RBL1: variants seen among roughly 807,000 people sequenced by gnomAD.
RBL1 encodes the protein retinoblastoma-like protein 1.
Under a neutral mutation model 123.0 loss-of-function variants are expected in RBL1, and 82 were observed. The ratio of observed to expected loss-of-function variants is 0.67; its 90% CI spans 0.56 to 0.80. The LOEUF (loss-of-function observed/expected upper bound fraction) is 0.80. RBL1 is among the 30% of genes least tolerant of loss of function. RBL1 has a pLI of 0.00. For missense variants in RBL1, 1,171 were observed against 1,299.6 expected, an observed-to-expected ratio of 0.90 and a Z score of 1.52; for synonymous variants, 405 against 441.3, an observed-to-expected ratio of 0.92 and a Z score of 1.03.
At chr20:37,020,228 A>C (rs2064319327) in intron 18 of RBL1, among the ~76,000 whole-genome samples, 1 of 151,770 alleles carries the variant, frequency 6.6e-6, no homozygotes, top group African/African-American at 2.4e-5. Context: ...AGCAGGGATT[A>C]TAGGCGTGTG....
intron 10 of RBL1, 150 bp downstream of exon 10, chr20:37,055,996 G>A (rs1035277359): frequency 1.1e-5 from 14 of 1,311,946 alleles, no homozygotes; most frequent in African/African-American, 3.0e-5. Context: ...GCAGTGAGTC[G>A]AGATCATGCC....
At chr20:37,052,296 G>A (rs1428062985) in intron 11 of RBL1, among the ~76,000 whole-genome samples, 1 of 152,064 alleles carries the variant, frequency 6.6e-6, no homozygotes, top group East Asian at 1.9e-4. Context: ...CTCCCAAAGT[G>A]CTGGGATTAC....
intron 18 of RBL1, 151 bp from the exon 19 acceptor site, chr20:37,018,520 G>T: frequency 8.9e-7 from 1 of 1,118,144 alleles, no homozygotes; most frequent in Non-Finnish European, 1.2e-6. Context: ...GCTCTAGTAA[G>T]TATAGATTAT....
Position 36,998,504 on chromosome 20 carries a change from G to A in RBL1, c.*255C>T, listed in dbSNP as rs145797733. On this transcript the variant is annotated 3_prime_UTR_variant, in exon 22 of 22. Coordinates refer to ENST00000373664, the MANE Select transcript of RBL1 (RefSeq NM_002895.5). ...CTCCCAAAGTCCTGGGATTACAGGC[G>A]TGAGCCACAGCGCCTGGCCGGACTA... 5.2e-3 allele frequency: 1,685 copies of A among 326,534 alleles called. 27 individuals carry two copies. The highest frequency in any genetic ancestry group is 0.035 in the African/African-American group (1,569 of 45,330). 20.2% of individuals were successfully genotyped at this position (326,534 alleles called of 1,614,324 possible).
chr20:37,014,371 G>A (rs189980655), intron 19 of RBL1, among the ~76,000 whole-genome samples: 50 of 152,140 alleles, frequency 3.3e-4, no homozygotes, highest in African/African-American at 1.2e-3. Context: ...AAGCCACTGT[G>A]TTCTCTCTTT....
chr20:37,017,000 AAGACGAGACG>A (rs569359385), intron 19 of RBL1, among the ~76,000 whole-genome samples: 3 of 151,486 alleles, frequency 2.0e-5, no homozygotes, highest in Non-Finnish European at 2.9e-5. Flanking sequence ...GAGAGGAGAG[AAGACGAGACG>A]AGACGAGACA....
intron 9 of RBL1, among the ~76,000 whole-genome samples, chr20:37,056,903 T>C (rs2065017115): frequency 6.6e-6 from 1 of 152,172 alleles, no homozygotes; most frequent in Admixed American, 6.6e-5. Flanking sequence ...TAACATAATG[T>C]ACTAAAGGTT....
At chr20:37,070,648 C>T (rs368548753) in intron 2 of RBL1, among the ~76,000 whole-genome samples, 34 of 152,086 alleles carry the variant, frequency 2.2e-4, no homozygotes, top group African/African-American at 7.7e-4. Context: ...TGTGGTTCCA[C>T]AACCAAAAGT....
chr20:37,045,016 C>T (rs1450612443), intron 12 of RBL1, among the ~76,000 whole-genome samples: 1 of 151,650 alleles, frequency 6.6e-6, no homozygotes, highest in Non-Finnish European at 1.5e-5. Context: ...TTTATATACA[C>T]AAAATATTAA....
chr20:37,082,075 C>T, intron 2 of RBL1: 1 of 453,584 alleles, frequency 2.2e-6, no homozygotes, highest in South Asian at 1.6e-5. Context: ...GGGGAGCCTG[C>T]AAGGCTGGGC....
chr20:37,082,051 G>A (rs551948835), intron 2 of RBL1: 2 of 455,470 alleles, frequency 4.4e-6, no homozygotes, highest in East Asian at 7.0e-5. Flanking sequence ...CACAGAGCAT[G>A]TGTCTCTATG....
At chr20:37,045,306 C>T (rs1181100993) in intron 12 of RBL1, among the ~76,000 whole-genome samples, 4 of 152,030 alleles carry the variant, frequency 2.6e-5, no homozygotes, top group Non-Finnish European at 5.9e-5. Flanking sequence ...TGGGGTTTTA[C>T]TATATTAGCC....
Position 37,001,023 on chromosome 20 carries a change from T to TGG in RBL1, c.3037-2096_3037-2095dup, listed in dbSNP as rs1169634664. ...CCAGCCGCCCCATCCGGGAGGGAGG[T>TGG]GGGGGGGGTCAGCCCCCCACCCGGC... is the stretch of plus-strand genomic sequence containing the variant. On this transcript the variant is annotated intron_variant, in intron 21 of 21. Coordinates refer to ENST00000373664, the MANE Select transcript of RBL1 (RefSeq NM_002895.5). Among the ~76,000 whole-genome samples, 272 of 91,206 alleles carry TGG rather than the reference T, an allele frequency of 3.0e-3. 2 individuals carry two copies. The highest frequency in any genetic ancestry group is 0.012 in the African/African-American group (262 of 21,778). The allele number at this position is 91,206 out of a possible 152,430, so 59.8% of individuals were successfully genotyped here.
chr20:37,064,641 G>A (rs1181813930), intron 7 of RBL1, among the ~76,000 whole-genome samples: 1 of 151,872 alleles, frequency 6.6e-6, no homozygotes, highest in Non-Finnish European at 1.5e-5. Context: ...ATGGAATCTC[G>A]CTCTGTCGCC....
At chr20:37,041,562 A>T (rs916597962) in intron 13 of RBL1, among the ~76,000 whole-genome samples, 3 of 152,102 alleles carry the variant, frequency 2.0e-5, no homozygotes, top group Non-Finnish European at 4.4e-5. Context: ...ACCTCAGGCA[A>T]TCCACTTGCC....
At chr20:37,063,437 C>T (rs950693304) in intron 7 of RBL1, among the ~76,000 whole-genome samples, 10 of 151,848 alleles carry the variant, frequency 6.6e-5, no homozygotes, top group African/African-American at 2.4e-4. Context: ...TTGCTTGAGG[C>T]CAGGAATTAG....
intron 14 of RBL1, among the ~76,000 whole-genome samples, chr20:37,036,779 C>G (rs2064619835): frequency 6.6e-6 from 1 of 152,004 alleles, no homozygotes; most frequent in African/African-American, 2.4e-5. Flanking sequence ...GCAACCGCCA[C>G]CATGCCCGGC....
rs1025917699 is a variant in RBL1 at position 36,996,729 on chromosome 20, G to A, written c.*2030C>T. 6.6e-6 allele frequency: 1 copy of A among 152,200 alleles called. No individual in the cohort carries two copies. Among genetic ancestry groups the A allele is most frequent in the Non-Finnish European group, 1.5e-5 (1 of 68,076 alleles). 9.4% of individuals were successfully genotyped at this position (152,200 alleles called of 1,614,324 possible). A position where few individuals can be genotyped will look rare whatever the true frequency, so the allele number is the denominator to read the frequency against. ...GTTGGGATTATAGGCATGAGCCACA[G>A]GACCTGGCCCATGGTTTCTTATACA... On this transcript the variant is annotated 3_prime_UTR_variant, in exon 22 of 22. Transcript: ENST00000373664.
chr20:37,095,948 T>G lies in RBL1; in HGVS notation c.-20A>C, dbSNP rs2065735118. 2.7e-6 allele frequency: 4 copies of G among 1,508,438 alleles called. No individual in the cohort carries two copies. Among genetic ancestry groups the G allele is most frequent in the Non-Finnish European group, 2.7e-6 (3 of 1,122,394 alleles). The allele number at this position is 1,508,438 out of a possible 1,614,324, so 93.4% of individuals were successfully genotyped here. A position where few individuals can be genotyped will look rare whatever the true frequency, so the allele number is the denominator to read the frequency against. ...GAACATCCCTTCAGGCCCCGCGGGC[T>G]GCGCGCCACGGCCCCCGACTTCTTT... is the stretch of plus-strand genomic sequence containing the variant. On this transcript the variant is annotated 5_prime_UTR_variant, in exon 1 of 22. Transcript: ENST00000373664.
Sources: allele counts gnomAD v4.1 joint callset (sites outside exome capture counted in the v4.1 genomes callset), GRCh38; gene constraint gnomAD v4.1.1; transcripts MANE v1.5; gene names NCBI Gene and HGNC (gene_info 2026-07-23, HGNC 2026-07-21).